The following CUX2 variants were observed in gnomAD, a reference collection of about 807,000 sequenced individuals.
The protein encoded by CUX2 is homeobox protein cut-like 2.
In CUX2, 40 loss-of-function variants were observed where a neutral mutation model predicts 144.8. The observed-to-expected ratio is 0.28, with a 90% CI of 0.21 to 0.36. The LOEUF (loss-of-function observed/expected upper bound fraction) is 0.36. Ranked by LOEUF, CUX2 falls within the 10% of genes least tolerant of loss-of-function variation. The pLI is 1.00. For synonymous variants in CUX2, 827 were observed against 875.6 expected, an observed-to-expected ratio of 0.94 and a Z score of 0.98; for missense variants, 1,615 against 1,994.0, an observed-to-expected ratio of 0.81 and a Z score of 3.62.
chr12:111,293,431 T>C lies in CUX2; in HGVS notation c.437-15T>C. 2 of 1,599,008 alleles carry C rather than the reference T, an allele frequency of 1.3e-6. No homozygotes were observed. The highest frequency in any genetic ancestry group is 1.7e-6 in the Non-Finnish European group (2 of 1,173,950). On this transcript the variant is annotated splice_polypyrimidine_tract_variant and intron_variant, in intron 5 of 21. Transcript: ENST00000261726. This position sits in a 1 kb window ranked among gnomAD's most constrained non-coding sequence, Gnocchi z 4.5. The stretch of plus-strand genomic sequence containing the variant: ...CTCTTGGCAATGGGGGTTTTCCCTC[T>C]TTTTCTCCCTGCAGAGCAGAGAGAG...
At position 111,307,076 on chromosome 12, in the gene CUX2, G is replaced by T; in HGVS notation, c.1014G>T (p.Leu338=). Residue 338 remains leucine (L), a synonymous_variant, in exon 11 of 22, where the codon CTG becomes CTT. Transcript: ENST00000261726. This position sits in a 1 kb window ranked among gnomAD's most constrained non-coding sequence, Gnocchi z 4.1. ...EEASANQIAD[L]ERQLTAKSEA... ...CATCCGCCAACCAGATCGCCGACCTGGAGCGGCAGCTCACGGCCAAGTCCG... is the reference window on the plus strand; with the variant it reads ...CATCCGCCAACCAGATCGCCGACCTTGAGCGGCAGCTCACGGCCAAGTCCG... 6.2e-7 allele frequency: 1 copy of T among 1,613,124 alleles called. No homozygotes were observed. Among genetic ancestry groups the T allele is most frequent in the Non-Finnish European group, 8.5e-7 (1 of 1,179,290 alleles).
rs190012763 is a variant in CUX2 at position 111,039,688 on chromosome 12, C to A, written c.63+5448C>A. On this transcript the variant is annotated intron_variant, in intron 1 of 21. Coordinates refer to ENST00000261726, the MANE Select transcript of CUX2 (RefSeq NM_015267.4). This position sits in a 1 kb window ranked among gnomAD's most constrained non-coding sequence, Gnocchi z 4.2. ...TTGGAACTATAGGCGCATGCCACCACGCCTGGCTAATTTTTGTATTTTTAG... is the reference window on the plus strand; with the variant it reads ...TTGGAACTATAGGCGCATGCCACCAAGCCTGGCTAATTTTTGTATTTTTAG... 3.5e-4 allele frequency among the ~76,000 whole-genome samples: 54 copies of A among 152,256 alleles called. 1 individual carries two copies. The highest frequency in any genetic ancestry group is 2.7e-3 in the Admixed American group (41 of 15,298).
At chr12:111,298,451 G>A (rs1886124336) in intron 8 of CUX2, 90 bp from the exon 9 acceptor site, 2 of 1,387,478 alleles carry the variant, frequency 1.4e-6, no homozygotes, top group African/African-American at 2.9e-5. Context: ...GCCCTCCCCT[G>A]GGCTCAGGCA....
chr12:111,150,752 C>CGGGGGGTGG (rs1876994735), intron 1 of CUX2, among the ~76,000 whole-genome samples: 1 of 11,360 alleles, frequency 8.8e-5, no homozygotes, highest in Non-Finnish European at 1.6e-4. Context: ...GGAAAAGCCT[C>CGGGGGGTGG]GGGGGGTGGG....
Position 111,310,360 on chromosome 12 carries a change from C to A in CUX2, c.1578C>A (p.Gly526=), listed in dbSNP as rs1469255117. ...PPTAPATPAP[G]PEPLGGPEPA... is the part of the protein sequence containing the mutation. The stretch of plus-strand genomic sequence containing the variant: ...CAGCCCCTGCCACCCCGGCCCCTGG[C>A]CCTGAGCCACTGGGCGGTCCTGAGC... Residue 526 remains glycine, a synonymous_variant, in exon 15 of 22, where the codon GGC becomes GGA. Coordinates refer to ENST00000261726, the MANE Select transcript of CUX2 (RefSeq NM_015267.4). This position sits in a 1 kb window ranked among gnomAD's most constrained non-coding sequence, Gnocchi z 7.9. 20 of 1,579,132 alleles carry A rather than the reference C, an allele frequency of 1.3e-5. No individual in the cohort carries two copies. Among genetic ancestry groups the A allele is most frequent in the Non-Finnish European group, 1.7e-5 (20 of 1,159,102 alleles).
intron 1 of CUX2, among the ~76,000 whole-genome samples, chr12:111,070,424 CCTTCCTTCCT>C: frequency 8.5e-6 from 1 of 117,666 alleles, no homozygotes; most frequent in Non-Finnish European, 1.6e-5. Context: ...TTCCTTCCTT[CCTTCCTTCCT>C]TCCTTCCTTC....
chr12:111,128,419 G>A (rs1037685698), intron 1 of CUX2, among the ~76,000 whole-genome samples: 2 of 152,184 alleles, frequency 1.3e-5, no homozygotes, highest in African/African-American at 4.8e-5. Flanking sequence ...TGAGGCCATA[G>A]GTGCAGGCTG....
chr12:111,096,084 A>G (rs1187980595), intron 1 of CUX2, among the ~76,000 whole-genome samples: 2 of 152,182 alleles, frequency 1.3e-5, no homozygotes, highest in Non-Finnish European at 1.5e-5. Flanking sequence ...GGGCTCAACA[A>G]GTGGCTCGTG....
intron 4 of CUX2, among the ~76,000 whole-genome samples, chr12:111,276,805 G>T (rs1410121848): frequency 6.6e-6 from 1 of 152,030 alleles, no homozygotes; most frequent in Non-Finnish European, 1.5e-5. Context: ...GAGCCACCAT[G>T]CCCGGCTAAT....
chr12:111,347,920 T>C lies in CUX2; in HGVS notation c.4056T>C (p.Gly1352=). 6.2e-7 allele frequency: 1 copy of C among 1,614,030 alleles called. No individual in the cohort carries two copies. Among genetic ancestry groups the C allele is most frequent in the Non-Finnish European group, 8.5e-7 (1 of 1,179,994 alleles). ...TGGCTCCCGGGCCCCTCCTTCCAGG[T>C]GGATCCACCCCAGACTGTCCCTCAC... ...PKVAPGPLLP[G]GSTPDCPSLH... is the part of the protein sequence containing the mutation. The change falls in exon 22 of 22, where the codon GGT becomes GGC. Residue 1352 remains glycine (G), a synonymous_variant. Coordinates refer to ENST00000261726, the MANE Select transcript of CUX2 (RefSeq NM_015267.4).
At chr12:111,148,708 G>T (rs1402874988) in intron 1 of CUX2, among the ~76,000 whole-genome samples, 1 of 152,122 alleles carries the variant, frequency 6.6e-6, no homozygotes, top group African/African-American at 2.4e-5. Context: ...TAAGAAGTAG[G>T]TAAGGGGCTG....
chr12:111,320,840 C>A lies in CUX2; in HGVS notation c.2766+65C>A. On this transcript the variant is annotated intron_variant, in intron 17 of 21. Coordinates refer to ENST00000261726, the MANE Select transcript of CUX2 (RefSeq NM_015267.4). The surrounding 1 kb of genome is among the most constrained non-coding windows in gnomAD (Gnocchi z 8.1). ...GAAGATGTCGGAGAAGTAGGATGCC[C>A]ACCCAAGCAGGCTGGCGGGACCCCA... 1 of 1,403,806 alleles carries A rather than the reference C, an allele frequency of 7.1e-7. No individual in the cohort carries two copies. The highest frequency in any genetic ancestry group is 1.6e-5 in the South Asian group (1 of 63,818). 87.0% of individuals were successfully genotyped at this position (1,403,806 alleles called of 1,614,324 possible).
At chr12:111,056,364 A>G (rs912146017) in intron 1 of CUX2, among the ~76,000 whole-genome samples, 4 of 152,210 alleles carry the variant, frequency 2.6e-5, no homozygotes, top group African/African-American at 9.6e-5. Context: ...TCCCCACTCC[A>G]TGATAGCTGT....
At chr12:111,089,218 G>A (rs1872417683) in intron 1 of CUX2, among the ~76,000 whole-genome samples, 1 of 152,332 alleles carries the variant, frequency 6.6e-6, no homozygotes. Flanking sequence ...AGTGATCAAG[G>A]GCACAGGCCC....
In CUX2 at chr12:111,156,972, G is replaced by C. The variant is rs189652169; in HGVS notation, c.64-57228G>C. ...CTGCACTCCAGCCTGGGCAATAAGA[G>C]CAAAACTTCTCTCAAAAAAAAAAAA... On this transcript the variant is annotated intron_variant, in intron 1 of 21. Transcript: ENST00000261726. 4.6e-4 allele frequency among the ~76,000 whole-genome samples: 20 copies of C among 43,512 alleles called. No homozygotes were observed. The East Asian group carries it at 0.016, about 35-fold the overall frequency. 28.5% of individuals were successfully genotyped at this position (43,512 alleles called of 152,430 possible). A position where few individuals can be genotyped will look rare whatever the true frequency, so the allele number is the denominator to read the frequency against.
Position 111,241,029 on chromosome 12 carries a change from G to C in CUX2, c.223-22732G>C, listed in dbSNP as rs576622951. ...GCTATCATAAAATACCTGAGGCTGGGTAATGTATAAAGAAAAGAGGGTTAC... is the reference window on the plus strand; with the variant it reads ...GCTATCATAAAATACCTGAGGCTGGCTAATGTATAAAGAAAAGAGGGTTAC... On this transcript the variant is annotated intron_variant, in intron 3 of 21. Coordinates refer to ENST00000261726, the MANE Select transcript of CUX2 (RefSeq NM_015267.4). Among the ~76,000 whole-genome samples the C allele has an allele frequency of 2.0e-5, 3 of 152,214 alleles. No homozygotes were observed. In the East Asian group the frequency reaches 5.8e-4, roughly 29 times the overall value.
At chr12:111,338,196 CTG>C (rs1193543468) in intron 19 of CUX2, 88 bp from the exon 20 acceptor site, 5 of 1,372,844 alleles carry the variant, frequency 3.6e-6, no homozygotes, top group Admixed American at 2.2e-5. Context: ...AGGCTCTCCC[CTG>C]TGTCTCTGGC....
At chr12:111,065,627 C>T (rs1197421524) in intron 1 of CUX2, among the ~76,000 whole-genome samples, 1 of 152,242 alleles carries the variant, frequency 6.6e-6, no homozygotes, top group African/African-American at 2.4e-5. Flanking sequence ...TGAGCCACCG[C>T]ACCCAGCCAC....
At chr12:111,080,684 A>T (rs554436783) in intron 1 of CUX2, among the ~76,000 whole-genome samples, 2 of 152,178 alleles carry the variant, frequency 1.3e-5, no homozygotes, top group Admixed American at 1.3e-4. Context: ...AAAAAATAAA[A>T]TGTCAGCTCT....
Sources: allele counts gnomAD v4.1 joint callset (sites outside exome capture counted in the v4.1 genomes callset), GRCh38; gene constraint gnomAD v4.1.1; non-coding constraint Gnocchi (gnomAD v3.1); transcripts MANE v1.5; gene names NCBI Gene and HGNC (gene_info 2026-07-23, HGNC 2026-07-21).